USP35: variants seen among roughly 807,000 people sequenced by gnomAD.
USP35 encodes the protein ubiquitin carboxyl-terminal hydrolase 35.
Under a neutral mutation model 83.8 loss-of-function variants are expected in USP35, and 69 were observed. The observed-to-expected ratio is 0.82, with a 90% CI of 0.68 to 1.01. The LOEUF (loss-of-function observed/expected upper bound fraction) is 1.01. Among genes scored for constraint, USP35 ranks in the 50% least tolerant of loss-of-function variants. USP35 has a pLI of 0.00. For synonymous variants in USP35, 714 were observed against 589.5 expected (o/e 1.21, Z -3.06); for missense variants, 1,503 against 1,362.5 (o/e 1.10, Z -1.62).
intron 8 of USP35, 40 bp from the exon 9 acceptor site, chr11:78,208,817 C>G: frequency 1.2e-6 from 2 of 1,609,178 alleles, no homozygotes; most frequent in Non-Finnish European, 1.7e-6. Flanking sequence ...GGTGAGTGGC[C>G]TCCTGCTCCT....
chr11:78,205,127 G>A (rs1326675412), intron 6 of USP35, among the ~76,000 whole-genome samples: 1 of 152,212 alleles, frequency 6.6e-6, no homozygotes, highest in East Asian at 1.9e-4. Context: ...GTATTCTTAG[G>A]TGCTGCTGTT....
Position 78,188,990 on chromosome 11 carries a change from C to T in USP35, c.-178C>T, listed in dbSNP as rs1349859371. ...GCTTGTGCCAGGCGGGGTGGGAAGA[C>T]TGGATTTTGCAGTGGAAGCAGCATC... is the stretch of plus-strand genomic sequence containing the variant. On this transcript the variant is annotated 5_prime_UTR_variant, in exon 1 of 11. Coordinates refer to ENST00000529308, the MANE Select transcript of USP35 (RefSeq NM_020798.4). The T allele has an allele frequency of 5.1e-6, 5 of 979,906 alleles. No homozygotes were observed. The African/African-American group carries it at 5.2e-5, about 10-fold the overall frequency. The allele number at this position is 979,906 out of a possible 1,614,324, so 60.7% of individuals were successfully genotyped here. A position where few individuals can be genotyped will look rare whatever the true frequency, so the allele number is the denominator to read the frequency against.
In USP35 at chr11:78,214,239, T is replaced by G. The variant is rs200580678; in HGVS notation, c.*426T>G. 1,742 of 80,934 alleles carry G rather than the reference T, an allele frequency of 0.022. 39 individuals are homozygous for G. The highest frequency in any genetic ancestry group is 0.089 in the African/African-American group (1,572 of 17,582). 5.0% of individuals were successfully genotyped at this position (80,934 alleles called of 1,614,324 possible). A position where few individuals can be genotyped will look rare whatever the true frequency, so the allele number is the denominator to read the frequency against. On this transcript the variant is annotated 3_prime_UTR_variant, in exon 11 of 11. Coordinates refer to ENST00000529308, the MANE Select transcript of USP35 (RefSeq NM_020798.4). ...AGGATCCAAGCCTTGCACAAAGGGG[T>G]GGGGGGGGCAGTGTCTCCTCTGGCT...
the USP35 span, chr11:78,231,944 T>G: frequency 1.2e-4 from 19 of 152,206 alleles, no homozygotes; most frequent in Admixed American, 1.0e-3. Context: ...CCTCTTGCAT[T>G]TGACCCATTC....
At chr11:78,194,578 T>C (rs927012144) in intron 1 of USP35, among the ~76,000 whole-genome samples, 3 of 152,072 alleles carry the variant, frequency 2.0e-5, no homozygotes, top group Admixed American at 1.3e-4. Flanking sequence ...AGGCATTACG[T>C]GTTAGATGTT....
chr11:78,196,750 G>T lies in USP35; in HGVS notation c.505G>T (p.Val169Leu). The change falls in exon 2 of 11, where the codon GTG becomes TTG. Residue 169 changes from valine (V) to leucine (L), a missense_variant. Val to Leu is a conservative substitution (Grantham distance 32, BLOSUM62 1). Transcript: ENST00000529308. This position sits in a 1 kb window ranked among gnomAD's most constrained non-coding sequence, Gnocchi z 4.8. ...PHRLLFCQQL[V>L]RCLGRFRCPA... The stretch of plus-strand genomic sequence containing the variant: ...CCGCCTGCTCTTCTGCCAGCAGCTG[G>T]TGCGTTGCCTCGGCCGCTTCCGCTG... 6.5e-7 allele frequency: 1 copy of T among 1,532,294 alleles called. No homozygotes were observed. The highest frequency in any genetic ancestry group is 1.2e-5 in the South Asian group (1 of 83,650). 94.9% of individuals were successfully genotyped at this position (1,532,294 alleles called of 1,614,324 possible). A position where few individuals can be genotyped will look rare whatever the true frequency, so the allele number is the denominator to read the frequency against.
chr11:78,207,648 G>A, intron 8 of USP35, 25 bp downstream of exon 8: 3 of 1,609,928 alleles, frequency 1.9e-6, no homozygotes, highest in Middle Eastern at 1.7e-4. Context: ...AGTCAGAGGG[G>A]GGTGGAGAGG....
chr11:78,226,837 T>C, the USP35 span: 2 of 1,613,968 alleles, frequency 1.2e-6, no homozygotes. Flanking sequence ...AGGCTGCCCT[T>C]GGTGTGGCCA....
chr11:78,206,846 T>C (rs1863543721), intron 7 of USP35, among the ~76,000 whole-genome samples: 1 of 152,230 alleles, frequency 6.6e-6, no homozygotes, highest in South Asian at 2.1e-4. Context: ...GGCCTGGGAA[T>C]TGGCTTGCTC....
At chr11:78,225,491 C>T in the USP35 span, among the ~76,000 whole-genome samples, 6,674 of 152,294 alleles carry the variant, frequency 0.044, 459 homozygotes, top group African/African-American at 0.15. Flanking sequence ...CTGTCCTGCT[C>T]ACCCCAGCCA....
At chr11:78,199,783 G>T in intron 4 of USP35, 59 bp downstream of exon 4, 1 of 1,611,878 alleles carries the variant, frequency 6.2e-7, no homozygotes, top group Non-Finnish European at 8.5e-7. Context: ...CTTGCCAGGG[G>T]CGGTGCAGGT....
At chr11:78,231,523 T>G in the USP35 span, among the ~76,000 whole-genome samples, 1 of 152,176 alleles carries the variant, frequency 6.6e-6, no homozygotes, top group African/African-American at 2.4e-5. Flanking sequence ...CTAATTTTTG[T>G]ATATTTAGTA....
chr11:78,227,846 G>A, the USP35 span, among the ~76,000 whole-genome samples: 19 of 151,954 alleles, frequency 1.3e-4, no homozygotes, highest in African/African-American at 4.1e-4. Flanking sequence ...CTATTCAAAC[G>A]TAAGCTCTAG....
rs1034554395 is a variant in USP35 at position 78,210,455 on chromosome 11, C to T, written c.2600C>T (p.Ala867Val). 1 of 1,614,200 alleles carries T rather than the reference C, an allele frequency of 6.2e-7. No individual in the cohort carries two copies. Among genetic ancestry groups the T allele is most frequent in the African/African-American group, 1.3e-5 (1 of 75,072 alleles). Residue 867 changes from alanine (A) to valine (V), a missense_variant, in exon 10 of 11, where the codon GCC (alanine) becomes GTC (valine). Transcript: ENST00000529308. Reference protein sequence around the residue: ...SSESGHYYCYAREGAARPAAS... With the variant: ...SSESGHYYCYVREGAARPAAS... ...GAGAGTGGTCACTACTACTGCTATG[C>T]CCGTGAGGGCGCTGCCCGCCCTGCC... is the stretch of plus-strand genomic sequence containing the variant.
At chr11:78,227,085 G>A in the USP35 span, 1 of 1,411,782 alleles carries the variant, frequency 7.1e-7, no homozygotes. Flanking sequence ...GCAGGAGGGT[G>A]AGACAATTAC....
rs576828071 is a variant in USP35 at position 78,199,735 on chromosome 11, CT to C, written c.936+12del. 864 of 1,614,044 alleles carry C rather than the reference CT, an allele frequency of 5.4e-4. 1 individual carries two copies. The highest frequency in any genetic ancestry group is 6.6e-4 in the Non-Finnish European group (775 of 1,180,014). ...ACCAAAATTGAGAAGGTTGGTGCCCCTGTCCTAGCCCAGAGTTACAGCCTTT... is the reference window on the plus strand; with the variant it reads ...ACCAAAATTGAGAAGGTTGGTGCCCCGTCCTAGCCCAGAGTTACAGCCTTT... On this transcript the variant is annotated intron_variant, in intron 4 of 10. Transcript: ENST00000529308.
chr11:78,201,301 C>T (rs947184453), intron 6 of USP35, among the ~76,000 whole-genome samples: 2 of 152,182 alleles, frequency 1.3e-5, no homozygotes, highest in African/African-American at 2.4e-5. Flanking sequence ...AGACTGTGAG[C>T]ACTCCAGACC....
At chr11:78,216,584 G>A (rs998369181), downstream of USP35, 1 of 149,396 alleles carries the variant, frequency 6.7e-6, no homozygotes, top group African/African-American at 2.6e-5. Context: ...TACCAGAATA[G>A]GGGGCTGGAA....
chr11:78,203,583 A>ATT (rs1315163063), intron 6 of USP35, among the ~76,000 whole-genome samples: 3,198 of 146,694 alleles, frequency 0.022, 105 homozygotes, highest in African/African-American at 0.075. Context: ...TTAATATTAC[A>ATT]TTTTTTTTTT....
Sources: allele counts gnomAD v4.1 joint callset (sites outside exome capture counted in the v4.1 genomes callset), GRCh38; gene constraint gnomAD v4.1.1; non-coding constraint Gnocchi (gnomAD v3.1); transcripts MANE v1.5; gene names NCBI Gene and HGNC (gene_info 2026-07-23, HGNC 2026-07-21).